Variants in PTPRD observed in about 807,000 individuals in gnomAD.
PTPRD encodes receptor-type tyrosine-protein phosphatase delta.
Under a neutral mutation model 214.5 loss-of-function variants are expected in PTPRD, and 34 were observed. That is an observed-to-expected ratio of 0.16 (90% CI 0.12 to 0.21). The LOEUF is 0.21. PTPRD is among the 10% of genes least tolerant of loss of function. The probability of loss-of-function intolerance (pLI) is 1.00; values close to 1 mark genes in which losing one functional copy is unlikely to be tolerated. For synonymous variants in PTPRD, 1,128 were observed against 845.7 expected (o/e 1.33, Z -5.79); for missense variants, 2,545 against 2,398.7 (o/e 1.06, Z -1.27).
At chr9:9,680,033 T>C (rs536334951) in intron 7 of PTPRD, among the ~76,000 whole-genome samples, 1 of 151,920 alleles carries the variant, frequency 6.6e-6, no homozygotes, top group Non-Finnish European at 1.5e-5. Flanking sequence ...AAAATAATAT[T>C]TCTCTTTGAA....
At chr9:10,527,423 A>G (rs2054646683) in intron 2 of PTPRD, among the ~76,000 whole-genome samples, 1 of 152,208 alleles carries the variant, frequency 6.6e-6, no homozygotes, top group African/African-American at 2.4e-5. Flanking sequence ...TATGTATTCA[A>G]TGATAAAGAG....
chr9:10,116,930 T>C (rs2098735142), intron 3 of PTPRD, among the ~76,000 whole-genome samples: 1 of 152,124 alleles, frequency 6.6e-6, no homozygotes. Flanking sequence ...ATCTAGACTT[T>C]TTTCAAATGT....
At chr9:8,993,945 C>G (rs774565658) in intron 11 of PTPRD, among the ~76,000 whole-genome samples, 1 of 151,996 alleles carries the variant, frequency 6.6e-6, no homozygotes, top group Non-Finnish European at 1.5e-5. Flanking sequence ...GATAAGTGTT[C>G]AAGACATTTA....
Position 9,917,635 on chromosome 9 carries a change from T to C in PTPRD, c.-368+20872A>G, listed in dbSNP as rs527346395. ...TGAAAAGCAGACAAGGATATAAAAA[T>C]AGCTAAACAGAAAACTGCAAGCCAA... On this transcript the variant is annotated intron_variant, in intron 5 of 45. Coordinates refer to ENST00000381196, the MANE Select transcript of PTPRD (RefSeq NM_002839.4). Among the ~76,000 whole-genome samples, 5 of 151,850 alleles carry C rather than the reference T, an allele frequency of 3.3e-5. No homozygotes were observed. The East Asian group carries it at 5.8e-4, about 18-fold the overall frequency.
At chr9:9,888,469 T>A (rs567046698) in intron 5 of PTPRD, among the ~76,000 whole-genome samples, 25 of 152,168 alleles carry the variant, frequency 1.6e-4, no homozygotes, top group Admixed American at 2.6e-4. Context: ...TAGGTGGTGT[T>A]TGGGTCATGG....
chr9:8,321,029 C>T (rs181469051), intron 44 of PTPRD, among the ~76,000 whole-genome samples: 142 of 152,104 alleles, frequency 9.3e-4, no homozygotes, highest in South Asian at 3.3e-3. Context: ...AATGGGGTTT[C>T]TACAGTCTAA....
At chr9:8,749,800 C>T (rs1038991297) in intron 11 of PTPRD, among the ~76,000 whole-genome samples, 6 of 152,190 alleles carry the variant, frequency 3.9e-5, no homozygotes, top group Non-Finnish European at 5.9e-5. Flanking sequence ...TTATAATAAA[C>T]GTACAAGACA....
At chr9:8,604,952 C>T (rs1206139745) in intron 14 of PTPRD, among the ~76,000 whole-genome samples, 2 of 152,142 alleles carry the variant, frequency 1.3e-5, no homozygotes, top group Non-Finnish European at 2.9e-5. Context: ...AAGTTATTTT[C>T]CATGCAACTT....
chr9:10,034,729 T>A (rs981541706), intron 3 of PTPRD, among the ~76,000 whole-genome samples: 18 of 152,220 alleles, frequency 1.2e-4, no homozygotes, highest in Non-Finnish European at 2.2e-4. Context: ...TCCGGCTGCA[T>A]CCAACAAAGT....
chr9:9,150,315 G>T (rs1047140395), intron 10 of PTPRD, among the ~76,000 whole-genome samples: 1 of 151,710 alleles, frequency 6.6e-6, no homozygotes, highest in African/African-American at 2.4e-5. Flanking sequence ...CTAAGGATAC[G>T]TGCTTTGTGC....
chr9:9,346,921 G>C (rs146793797), intron 9 of PTPRD, among the ~76,000 whole-genome samples: 18 of 152,178 alleles, frequency 1.2e-4, no homozygotes, highest in African/African-American at 4.3e-4. Context: ...TCAAACTCCT[G>C]ATCTCTGGTG....
chr9:9,863,095 T>C (rs1482544380), intron 5 of PTPRD, among the ~76,000 whole-genome samples: 1 of 152,172 alleles, frequency 6.6e-6, no homozygotes, highest in African/African-American at 2.4e-5. Flanking sequence ...CCTGAAGTAT[T>C]TGAGTCTAGA....
intron 7 of PTPRD, among the ~76,000 whole-genome samples, chr9:9,628,973 A>G (rs2095504868): frequency 6.6e-6 from 1 of 151,818 alleles, no homozygotes; most frequent in South Asian, 2.1e-4. Flanking sequence ...TGAGTTTGAG[A>G]CCAGCCTGAC....
In PTPRD at chr9:8,528,623, T is replaced by C. The variant is rs2074877000; in HGVS notation, c.509A>G (p.Asn170Ser). 2 of 1,613,794 alleles carry C rather than the reference T, an allele frequency of 1.2e-6. No individual in the cohort carries two copies. ...TAACTGCTTAATACGACCATTGTTG[T>C]TGCTTGTGTCCACAGGTAAGAAATC... The part of the protein sequence containing the change: ...FKDFLPVDTS[N>S]NNGRIKQLRS... The change falls in exon 15 of 46, where the codon AAC becomes AGC. Residue 170 changes from asparagine to serine, a missense_variant. Transcript: ENST00000381196.
intron 17 of PTPRD, 164 bp from the exon 18 acceptor site, chr9:8,525,199 G>C (rs762916030): frequency 1.3e-6 from 1 of 746,832 alleles, no homozygotes; most frequent in South Asian, 1.4e-5. Context: ...GATGCGATGA[G>C]AAAAACATAT....
intron 11 of PTPRD, among the ~76,000 whole-genome samples, chr9:8,771,459 CT>C (rs886626433): frequency 5.9e-5 from 9 of 152,190 alleles, no homozygotes; most frequent in African/African-American, 2.2e-4. Flanking sequence ...AACATGAAAT[CT>C]TTTTCCCACC....
chr9:9,966,615 T>A (rs753050407), intron 4 of PTPRD, among the ~76,000 whole-genome samples: 17 of 152,152 alleles, frequency 1.1e-4, no homozygotes, highest in Non-Finnish European at 1.9e-4. Flanking sequence ...TATGTTGTAG[T>A]CACATTGAGC....
intron 5 of PTPRD, among the ~76,000 whole-genome samples, chr9:9,811,910 T>C (rs906415322): frequency 3.3e-5 from 5 of 152,124 alleles, no homozygotes. Flanking sequence ...GTATGCTACA[T>C]AGAAATCTTT....
At chr9:8,763,351 A>C (rs1480478407) in intron 11 of PTPRD, among the ~76,000 whole-genome samples, 1 of 151,790 alleles carries the variant, frequency 6.6e-6, no homozygotes, top group Non-Finnish European at 1.5e-5. Context: ...ATCTCTAATA[A>C]AAATATACAA....
Sources: gnomAD v4.1 joint callset for allele counts (sites outside exome capture counted in the v4.1 genomes callset) on GRCh38, gnomAD v4.1.1 for gene constraint, MANE v1.5 for transcripts, NCBI Gene and HGNC (gene_info 2026-07-23, HGNC 2026-07-21) for gene names.